The following NPAS2 variants were observed in gnomAD, a reference collection of about 807,000 sequenced individuals.
The protein encoded by NPAS2 is neuronal PAS domain-containing protein 2.
NPAS2 carries 23 observed loss-of-function variants against 107.5 expected under a neutral mutation model. The ratio of observed to expected loss-of-function variants is 0.21; its 90% CI spans 0.15 to 0.30. NPAS2 has a LOEUF of 0.30. Among genes scored for constraint, NPAS2 ranks in the 10% least tolerant of loss-of-function variants. The pLI, the probability that NPAS2 is intolerant of heterozygous loss-of-function variation, is 1.00. For synonymous variants in NPAS2, 403 were observed against 417.5 expected, an observed-to-expected ratio of 0.97 and a Z score of 0.42; for missense variants, 756 against 1,043.3, an observed-to-expected ratio of 0.72 and a Z score of 3.79.
intron 1 of NPAS2, among the ~76,000 whole-genome samples, chr2:100,864,678 T>C (rs1301035666): frequency 6.6e-6 from 1 of 152,208 alleles, no homozygotes. Flanking sequence ...GACTGTTAAG[T>C]ATTTCTGGTA....
chr2:100,926,726 C>G (rs1365720803), intron 3 of NPAS2, among the ~76,000 whole-genome samples: 2 of 151,976 alleles, frequency 1.3e-5, no homozygotes, highest in Admixed American at 1.3e-4. Context: ...AATATCTTCC[C>G]CCATTCTGTG....
chr2:100,843,265 G>T (rs1197562079), intron 1 of NPAS2, among the ~76,000 whole-genome samples: 2 of 150,726 alleles, frequency 1.3e-5, no homozygotes, highest in African/African-American at 4.9e-5. Flanking sequence ...CCCCACTTTT[G>T]GTCAGCCTCA....
chr2:100,959,283 T>TAG (rs1339366630), intron 7 of NPAS2, among the ~76,000 whole-genome samples: 1 of 97,438 alleles, frequency 1.0e-5, no homozygotes, highest in African/African-American at 4.2e-5. Context: ...AAAAAAAATT[T>TAG]TTTTGCAAAG....
Position 100,846,318 on chromosome 2 carries a change from G to A in NPAS2, c.-23+25904G>A, listed in dbSNP as rs556607547. 3.9e-5 allele frequency among the ~76,000 whole-genome samples: 6 copies of A among 152,298 alleles called. No homozygotes were observed. In the East Asian group the frequency reaches 9.6e-4, roughly 24 times the overall value. On this transcript the variant is annotated intron_variant, in intron 1 of 20. Coordinates refer to ENST00000335681, the MANE Select transcript of NPAS2 (RefSeq NM_002518.4). ...TAAGGCATTAAGTTTTACATAAAAT[G>A]CGCTTAAAGTATTAAAGTTTTATAA...
chr2:100,872,199 T>G (rs2104578453), intron 1 of NPAS2, among the ~76,000 whole-genome samples: 1 of 152,326 alleles, frequency 6.6e-6, no homozygotes, highest in South Asian at 2.1e-4. Context: ...GAGCACAGGC[T>G]GTTGATGGCC....
chr2:100,982,089 C>A (rs898334240), intron 15 of NPAS2, 142 bp from the exon 16 acceptor site: 2 of 1,008,072 alleles, frequency 2.0e-6, no homozygotes, highest in African/African-American at 1.6e-5. Context: ...CTGCCCAGGA[C>A]CCAGCCGTGG....
At chr2:100,886,068 C>G (rs544261613) in intron 1 of NPAS2, among the ~76,000 whole-genome samples, 1 of 152,264 alleles carries the variant, frequency 6.6e-6, no homozygotes, top group East Asian at 1.9e-4. Context: ...CTATTTTGTC[C>G]AGAATTTCAA....
At chr2:100,898,785 TA>T (rs3042765) in intron 1 of NPAS2, among the ~76,000 whole-genome samples, 26,834 of 144,002 alleles carry the variant, frequency 0.19, 2,720 homozygotes, top group East Asian at 0.5. Context: ...GTCTTTCACC[TA>T]AAAAAAAAAA....
chr2:100,951,446 G>C (rs1279040208), intron 7 of NPAS2, among the ~76,000 whole-genome samples: 1 of 152,230 alleles, frequency 6.6e-6, no homozygotes, highest in Non-Finnish European at 1.5e-5. Flanking sequence ...GTGTCCATCA[G>C]TGGATGAATG....
chr2:100,900,110 C>T (rs540381583), intron 1 of NPAS2, among the ~76,000 whole-genome samples: 1 of 152,146 alleles, frequency 6.6e-6, no homozygotes, highest in Non-Finnish European at 1.5e-5. Flanking sequence ...TAGACTTTAT[C>T]AAAATTTAAA....
Position 100,982,244 on chromosome 2 carries a change from T to C in NPAS2, c.1496T>C (p.Phe499Ser), listed in dbSNP as rs1677490146. The C allele has an allele frequency of 6.2e-7, 1 of 1,614,208 alleles. No individual in the cohort carries two copies. Residue 499 changes from phenylalanine (F) to serine (S), a missense_variant, in exon 16 of 21, where the codon TTC becomes TCC. Phe to Ser is a radical substitution (Grantham distance 155). This residue lies in a region of NPAS2 where 496 missense variants were observed against 594.4 expected (regional missense o/e 0.83). Transcript: ENST00000335681. ...PAPMAQFSAQ[F>S]SMFQTIKDQL... ...TCCACCTTGAAGTTTTCGGCACAGTTCAGCATGTTCCAGACCATCAAAGAC... is the reference window on the plus strand; with the variant it reads ...TCCACCTTGAAGTTTTCGGCACAGTCCAGCATGTTCCAGACCATCAAAGAC...
chr2:100,917,764 G>A (rs78429068), intron 2 of NPAS2, among the ~76,000 whole-genome samples: 2 of 152,078 alleles, frequency 1.3e-5, no homozygotes, highest in Admixed American at 6.6e-5. Flanking sequence ...AAAGATGAAC[G>A]AGAAAACCTA....
At chr2:100,922,551 C>G (rs1189102082) in intron 2 of NPAS2, among the ~76,000 whole-genome samples, 2 of 152,138 alleles carry the variant, frequency 1.3e-5, no homozygotes, top group Non-Finnish European at 1.5e-5. Context: ...TCACTGCACT[C>G]CAGCCTGGGC....
At chr2:100,885,125 T>C (rs1453079334) in intron 1 of NPAS2, among the ~76,000 whole-genome samples, 5 of 152,096 alleles carry the variant, frequency 3.3e-5, no homozygotes, top group Non-Finnish European at 5.9e-5. Flanking sequence ...ATTTTTTTTG[T>C]ATTTTTAGTA....
rs1449924061 is a variant in NPAS2, at chr2:100,879,265, C to CG, written c.-22-25465dup. On this transcript the variant is annotated intron_variant, in intron 1 of 20. Transcript: ENST00000335681. The stretch of plus-strand genomic sequence containing the variant: ...TGTATTTAGGGTTTACAACGTATTA[C>CG]GGGATATGTATAGACAGGAAACGGG... Among the ~76,000 whole-genome samples the CG allele has an allele frequency of 3.3e-5, 5 of 152,140 alleles. No homozygotes were observed. In the East Asian group the frequency reaches 9.7e-4, roughly 29 times the overall value.
At chr2:100,834,468 C>T (rs1046304011) in intron 1 of NPAS2, among the ~76,000 whole-genome samples, 1 of 152,188 alleles carries the variant, frequency 6.6e-6, no homozygotes, top group Admixed American at 6.5e-5. Context: ...AACCAGCTGA[C>T]TCTCTTAGGT....
At chr2:100,978,934 G>A (rs1438447905) in intron 15 of NPAS2, among the ~76,000 whole-genome samples, 1 of 152,200 alleles carries the variant, frequency 6.6e-6, no homozygotes, top group Admixed American at 6.5e-5. Context: ...CCAGGCCTGA[G>A]CTCTGACTTC....
intron 4 of NPAS2, among the ~76,000 whole-genome samples, chr2:100,934,595 G>A (rs932029724): frequency 4.7e-4 from 72 of 152,292 alleles, no homozygotes; most frequent in African/African-American, 1.5e-3. Context: ...TGGGTGAATG[G>A]CAGCTGTGAG....
chr2:100,990,251 T>C lies in NPAS2; in HGVS notation c.1828-5T>C, dbSNP rs1309029016. 1.2e-6 allele frequency: 2 copies of C among 1,613,512 alleles called. No individual in the cohort carries two copies. The highest frequency in any genetic ancestry group is 1.1e-5 in the South Asian group (1 of 91,054). ...CTTACCTTTCTCATTGAAATGATGC[T>C]CCAGGGTCCAAAGCCAATGAGAAGC... On this transcript the variant is annotated splice_polypyrimidine_tract_variant and splice_region_variant and intron_variant, in intron 17 of 20. Transcript: ENST00000335681.
Sources: gnomAD v4.1 joint callset for allele counts (sites outside exome capture counted in the v4.1 genomes callset) on GRCh38, gnomAD v4.1.1 for gene constraint, gnomAD v4.1.1 regional missense constraint, MANE v1.5 for transcripts, NCBI Gene and HGNC (gene_info 2026-07-23, HGNC 2026-07-21) for gene names.